Variants in YAP1 observed in about 807,000 individuals in gnomAD.
YAP1 encodes Yes1 associated transcriptional regulator, also known as transcriptional coactivator YAP1.
Under a neutral mutation model 56.9 loss-of-function variants are expected in YAP1, and 5 were observed. The observed-to-expected ratio is 0.09, with a 90% CI of 0.05 to 0.18. The LOEUF (loss-of-function observed/expected upper bound fraction) is 0.18. Ranked by LOEUF, YAP1 falls within the 10% of genes least tolerant of loss-of-function variation. The pLI is 1.00. For missense variants in YAP1, 539 were observed against 651.8 expected, an observed-to-expected ratio of 0.83 and a Z score of 1.88; for synonymous variants, 265 against 248.1, an observed-to-expected ratio of 1.07 and a Z score of -0.64.
chr11:102,131,000 A>T, intron 2 of YAP1, among the ~76,000 whole-genome samples: 1 of 152,032 alleles, frequency 6.6e-6, no homozygotes, highest in Non-Finnish European at 1.5e-5. Flanking sequence ...TTGAGGATAA[A>T]CCATGCCCTC....
intron 4 of YAP1, among the ~76,000 whole-genome samples, chr11:102,196,071 TCCTCATACATTGCTG>T (rs1451805654): frequency 6.6e-6 from 1 of 152,198 alleles, no homozygotes; most frequent in Non-Finnish European, 1.5e-5. Flanking sequence ...GAAATTGGAA[TCCTCATACATTGCTG>T]TTGGGATTGA....
intron 4 of YAP1, 29 bp from the exon 5 acceptor site, chr11:102,205,864 G>T: frequency 3.4e-6 from 5 of 1,466,208 alleles, no homozygotes; most frequent in South Asian, 3.0e-5. Flanking sequence ...AGTTTTTTAG[G>T]ACAGATTTTT....
chr11:102,223,253 C>CAAAAAA (rs1013718662), intron 6 of YAP1, among the ~76,000 whole-genome samples: 2 of 52,176 alleles, frequency 3.8e-5, no homozygotes, highest in Non-Finnish European at 8.5e-5. Context: ...TCTTGAAGAA[C>CAAAAAA]AAAAAAAAAA....
chr11:102,135,078 A>G (rs1206523660), intron 2 of YAP1, among the ~76,000 whole-genome samples: 1 of 152,186 alleles, frequency 6.6e-6, no homozygotes, highest in African/African-American at 2.4e-5. Context: ...TATGTTGGCC[A>G]GGCTGGTCTT....
At chr11:102,209,469 AC>A (rs749703944) in intron 5 of YAP1, 47 bp from the exon 6 acceptor site, 1 of 1,545,056 alleles carries the variant, frequency 6.5e-7, no homozygotes, top group Non-Finnish European at 8.9e-7. Context: ...ACACAGCCAG[AC>A]CATGTGGCTT....
Position 102,172,475 on chromosome 11 carries a change from C to CTTTTTTTTTTTTTTTTT in YAP1, c.688+9904_688+9905insTTTTTTTTTTTTTTTTT, listed in dbSNP as rs368895891. On this transcript the variant is annotated intron_variant, in intron 3 of 8. Transcript: ENST00000282441. ...TACAGGCATACGGCACCATGCACAG[C>CTTTTTTTTTTTTTTTTT]GTTTTTTTTTTTTTTTTTTTGGTAG... Among the ~76,000 whole-genome samples the CTTTTTTTTTTTTTTTTT allele has an allele frequency of 1.9e-5, 2 of 106,216 alleles. 1 individual carries two copies. Among genetic ancestry groups the CTTTTTTTTTTTTTTTTT allele is most frequent in the African/African-American group, 7.2e-5 (2 of 27,808 alleles). 69.7% of individuals were successfully genotyped at this position (106,216 alleles called of 152,430 possible).
intron 2 of YAP1, among the ~76,000 whole-genome samples, chr11:102,157,118 AT>A (rs1366777324): frequency 1.3e-5 from 2 of 152,230 alleles, no homozygotes; most frequent in Non-Finnish European, 2.9e-5. Context: ...TAGCTTAATT[AT>A]TTAAATTTCA....
At position 102,218,330 on chromosome 11, in the gene YAP1, A is replaced by T. The variant is rs143636785; in HGVS notation, c.1033-5292A>T. On this transcript the variant is annotated intron_variant, in intron 6 of 8. Coordinates refer to ENST00000282441, the MANE Select transcript of YAP1 (RefSeq NM_001130145.3). Reference sequence around the variant, plus strand: ...ATATAACCTACACACATCCTCCTGTATACCTTAAATCATTTCTAGATTACT... The same window carrying T: ...ATATAACCTACACACATCCTCCTGTTTACCTTAAATCATTTCTAGATTACT... Among the ~76,000 whole-genome samples the T allele has an allele frequency of 9.9e-3, 1,512 of 152,348 alleles. 14 individuals are homozygous for T. The highest frequency in any genetic ancestry group is 0.013 in the Non-Finnish European group (905 of 68,028).
At chr11:102,185,382 T>A (rs1227606722) in intron 3 of YAP1, among the ~76,000 whole-genome samples, 1 of 152,152 alleles carries the variant, frequency 6.6e-6, no homozygotes, top group Non-Finnish European at 1.5e-5. Context: ...TTATCTTGCC[T>A]CCTCCCAAGC....
intron 1 of YAP1, chr11:102,112,647 G>A: frequency 1.0e-6 from 1 of 985,168 alleles, no homozygotes; most frequent in African/African-American, 1.7e-5. Context: ...TTGGAACTCA[G>A]AAAAAATCAC....
chr11:102,159,824 C>T (rs760764824), intron 2 of YAP1, among the ~76,000 whole-genome samples: 6 of 152,120 alleles, frequency 3.9e-5, no homozygotes, highest in African/African-American at 7.2e-5. Flanking sequence ...TTCTTTTCCA[C>T]AGAGGAGTCT....
chr11:102,158,253 C>G (rs1946064072), intron 2 of YAP1, among the ~76,000 whole-genome samples: 1 of 152,186 alleles, frequency 6.6e-6, no homozygotes, highest in Non-Finnish European at 1.5e-5. Flanking sequence ...TCTACTGATA[C>G]TAGTTCTAGA....
At chr11:102,124,971 C>A (rs1943940563) in intron 2 of YAP1, among the ~76,000 whole-genome samples, 1 of 151,892 alleles carries the variant, frequency 6.6e-6, no homozygotes, top group Non-Finnish European at 1.5e-5. Flanking sequence ...CTTGTGAGCT[C>A]AAGTGATCTG....
chr11:102,186,394 T>G, intron 4 of YAP1: 1 of 346,344 alleles, frequency 2.9e-6, no homozygotes, highest in South Asian at 3.1e-5. Context: ...ACTTGTTCCT[T>G]TCACATTTTG....
chr11:102,230,192 A>G lies in YAP1; in HGVS notation c.*252A>G, dbSNP rs1950387241. The stretch of plus-strand genomic sequence containing the variant: ...TTTTATTTCTTTTGCTATTAAAACT[A>G]CTGTTCATTTTGGGGGCTGGGGGAA... On this transcript the variant is annotated 3_prime_UTR_variant, in exon 9 of 9. Transcript: ENST00000282441. The G allele has an allele frequency of 1.5e-5, 5 of 336,712 alleles. No homozygotes were observed. The highest frequency in any genetic ancestry group is 5.5e-5 in the East Asian group (1 of 18,126). The allele number at this position is 336,712 out of a possible 1,614,324, so 20.9% of individuals were successfully genotyped here. A position where few individuals can be genotyped will look rare whatever the true frequency, so the allele number is the denominator to read the frequency against.
At chr11:102,208,670 A>G (rs1218629412) in intron 5 of YAP1, among the ~76,000 whole-genome samples, 1 of 152,064 alleles carries the variant, frequency 6.6e-6, no homozygotes, top group Non-Finnish European at 1.5e-5. Flanking sequence ...TATGTAACCT[A>G]TTTTCATTGT....
intron 8 of YAP1, among the ~76,000 whole-genome samples, chr11:102,229,478 C>CA (rs1346256367): frequency 6.6e-6 from 1 of 152,030 alleles, no homozygotes; most frequent in African/African-American, 2.4e-5. Context: ...CACATAATAG[C>CA]AATCAAGCTG....
intron 5 of YAP1, among the ~76,000 whole-genome samples, chr11:102,207,669 T>C (rs551083461): frequency 6.6e-6 from 1 of 152,328 alleles, no homozygotes; most frequent in Non-Finnish European, 1.5e-5. Flanking sequence ...CAGTACTACC[T>C]GAACTCTGAT....
chr11:102,186,387 T>C (rs1947946510), intron 4 of YAP1: 1 of 363,682 alleles, frequency 2.7e-6, no homozygotes, highest in South Asian at 3.0e-5. Context: ...CAGAATCACT[T>C]GTTCCTTTCA....
Sources: allele counts gnomAD v4.1 joint callset (sites outside exome capture counted in the v4.1 genomes callset), GRCh38; gene constraint gnomAD v4.1.1; transcripts MANE v1.5; gene names NCBI Gene and HGNC (gene_info 2026-07-23, HGNC 2026-07-21).